Variants in TAFA2 observed in about 807,000 individuals in gnomAD.
TAFA2 encodes the protein TAFA chemokine like family member 2.
In TAFA2, 7 loss-of-function variants were observed where a neutral mutation model predicts 18.8. That is an observed-to-expected ratio of 0.37 (90% CI 0.21 to 0.70). The LOEUF (loss-of-function observed/expected upper bound fraction) is 0.70. Ranked by LOEUF, TAFA2 falls within the 30% of genes least tolerant of loss-of-function variation. The pLI, the probability that TAFA2 is intolerant of heterozygous loss-of-function variation, is 0.53. For missense variants in TAFA2, 122 were observed against 158.1 expected, an observed-to-expected ratio of 0.77 and a Z score of 1.23; for synonymous variants, 60 against 54.2, an observed-to-expected ratio of 1.11 and a Z score of -0.47.
In TAFA2 at chr12:62,142,258, C is replaced by T. The variant is rs184940028; in HGVS notation, c.-2+49001G>A. On this transcript the variant is annotated intron_variant, in intron 1 of 4. Coordinates refer to ENST00000416284, the MANE Select transcript of TAFA2 (RefSeq NM_178539.5). ...TGGTGTAGTGCCCACACCCCTAATG[C>T]TCTGCCTGGCCCACAGCAGGCCTTC... Among the ~76,000 whole-genome samples, 91 of 152,256 alleles carry T rather than the reference C, an allele frequency of 6.0e-4. 1 individual carries two copies. Among genetic ancestry groups the T allele is most frequent in the African/African-American group, 2.2e-3 (90 of 41,536 alleles).
chr12:62,186,309 A>G (rs2062585468), intron 1 of TAFA2, among the ~76,000 whole-genome samples: 1 of 152,254 alleles, frequency 6.6e-6, no homozygotes, highest in Non-Finnish European at 1.5e-5. Context: ...ACTAGTTTGT[A>G]GCAGCAAATA....
intron 1 of TAFA2, among the ~76,000 whole-genome samples, chr12:61,913,272 G>T (rs1189111704): frequency 6.6e-6 from 1 of 152,068 alleles, no homozygotes; most frequent in Non-Finnish European, 1.5e-5. Flanking sequence ...CCATAAAATG[G>T]CCCTGATTAC....
At chr12:62,092,057 G>A (rs533304747) in intron 1 of TAFA2, among the ~76,000 whole-genome samples, 34 of 151,782 alleles carry the variant, frequency 2.2e-4, no homozygotes, top group African/African-American at 4.1e-4. Flanking sequence ...TGTTGGCATC[G>A]GTGCCCAAAA....
chr12:61,853,335 A>G (rs1873754820), intron 2 of TAFA2, among the ~76,000 whole-genome samples: 1 of 152,166 alleles, frequency 6.6e-6, no homozygotes, highest in South Asian at 2.1e-4. Flanking sequence ...GGTGAAGTAA[A>G]AATATGAAGT....
At chr12:61,978,452 G>T (rs1879513356) in intron 1 of TAFA2, among the ~76,000 whole-genome samples, 1 of 151,904 alleles carries the variant, frequency 6.6e-6, no homozygotes, top group African/African-American at 2.4e-5. Context: ...GTATTTTAAA[G>T]TTTAAAAGAG....
intron 1 of TAFA2, among the ~76,000 whole-genome samples, chr12:62,150,515 C>G (rs2062320691): frequency 6.6e-6 from 1 of 152,122 alleles, no homozygotes; most frequent in African/African-American, 2.4e-5. Context: ...GATTAATATT[C>G]TAACAAGCCT....
rs1868962237 is a variant in TAFA2, at chr12:62,096,592, T to C, written c.-2+94667A>G. On this transcript the variant is annotated intron_variant, in intron 1 of 4. Transcript: ENST00000416284. ...TTGAGTCTCCCCTTTTCTAAGTATT[T>C]CCAGAATAAGATAAATGACCACATT... 1.3e-5 allele frequency among the ~76,000 whole-genome samples: 2 copies of C among 152,172 alleles called. 1 individual carries two copies. Among genetic ancestry groups the C allele is most frequent in the South Asian group, 4.1e-4 (2 of 4,832 alleles).
At chr12:62,238,211 T>C (rs536363669) in intron 1 of TAFA2, among the ~76,000 whole-genome samples, 24 of 152,302 alleles carry the variant, frequency 1.6e-4, no homozygotes, top group African/African-American at 5.5e-4. Flanking sequence ...GCTTGATGGG[T>C]AGAAAAGTCC....
chr12:62,044,944 G>C (rs1026454863), intron 1 of TAFA2, among the ~76,000 whole-genome samples: 1 of 152,224 alleles, frequency 6.6e-6, no homozygotes, highest in East Asian at 1.9e-4. Context: ...CTCCATCTGT[G>C]TTCCTTGGGC....
At chr12:62,133,887 G>A (rs185970870) in intron 1 of TAFA2, among the ~76,000 whole-genome samples, 1 of 151,960 alleles carries the variant, frequency 6.6e-6, no homozygotes, top group African/African-American at 2.4e-5. Context: ...GATAACCCTA[G>A]GCAAATAGCT....
intron 1 of TAFA2, among the ~76,000 whole-genome samples, chr12:62,240,575 C>T (rs1039663546): frequency 3.9e-5 from 6 of 152,026 alleles, no homozygotes; most frequent in Non-Finnish European, 8.8e-5. Flanking sequence ...ATCACTAAGT[C>T]CCAAGATAAA....
At chr12:62,009,387 T>C (rs1202286861) in intron 1 of TAFA2, among the ~76,000 whole-genome samples, 1 of 152,224 alleles carries the variant, frequency 6.6e-6, no homozygotes, top group Non-Finnish European at 1.5e-5. Flanking sequence ...AAGTGTCTAC[T>C]ATGTAGCAGG....
chr12:61,718,250 T>C (rs6581418), intron 4 of TAFA2, among the ~76,000 whole-genome samples: 128,346 of 152,206 alleles, frequency 0.84, 54,119 homozygotes, highest in South Asian at 0.86. Context: ...AACTATTCTA[T>C]GTGACTCATG....
chr12:61,841,026 C>G (rs899843268), intron 2 of TAFA2, among the ~76,000 whole-genome samples: 1 of 151,996 alleles, frequency 6.6e-6, no homozygotes, highest in Non-Finnish European at 1.5e-5. Context: ...GACATAGAGT[C>G]TTTACTACAC....
chr12:61,879,350 G>A, intron 1 of TAFA2: 2 of 695,782 alleles, frequency 2.9e-6, no homozygotes, highest in South Asian at 3.5e-5. Flanking sequence ...AGTCCTACAA[G>A]GTATCCACCT....
At chr12:61,898,075 C>T (rs1196035161) in intron 1 of TAFA2, among the ~76,000 whole-genome samples, 1 of 152,242 alleles carries the variant, frequency 6.6e-6, no homozygotes, top group African/African-American at 2.4e-5. Flanking sequence ...CATCTTAAAG[C>T]TCCAAAACAA....
chr12:62,252,601 A>G (rs2062919519), intron 1 of TAFA2: 1 of 152,214 alleles, frequency 6.6e-6, no homozygotes, highest in East Asian at 1.9e-4. Context: ...CTGGGAACAC[A>G]GCAACATATG....
At chr12:61,765,780 A>G (rs1315542770) in intron 2 of TAFA2, among the ~76,000 whole-genome samples, 1 of 152,132 alleles carries the variant, frequency 6.6e-6, no homozygotes, top group East Asian at 1.9e-4. Context: ...TAATGCAGAT[A>G]TCTAAGAGAT....
intron 1 of TAFA2, among the ~76,000 whole-genome samples, chr12:62,071,380 T>C (rs1334554187): frequency 6.6e-6 from 1 of 152,120 alleles, no homozygotes; most frequent in Non-Finnish European, 1.5e-5. Flanking sequence ...TGTAGGACTT[T>C]GTAAGCCTGA....
Sources: allele counts gnomAD v4.1 joint callset (sites outside exome capture counted in the v4.1 genomes callset), GRCh38; gene constraint gnomAD v4.1.1; transcripts MANE v1.5; gene names NCBI Gene and HGNC (gene_info 2026-07-23, HGNC 2026-07-21).